Variants in PLEKHS1 observed in about 807,000 individuals in gnomAD.
PLEKHS1 encodes the protein pleckstrin homology domain containing S1, also known as pleckstrin homology domain-containing family S member 1.
PLEKHS1 carries 55 observed loss-of-function variants against 51.0 expected under a neutral mutation model. That is an observed-to-expected ratio of 1.08 (90% CI 0.87 to 1.35). The LOEUF is 1.35. Among genes scored for constraint, PLEKHS1 ranks in the 40% most tolerant of loss-of-function variants. PLEKHS1 has a pLI of 0.00. For missense variants in PLEKHS1, 398 were observed against 423.0 expected (o/e 0.94, Z 0.52); for synonymous variants, 153 against 144.8 (o/e 1.06, Z -0.41).
exon 12 of PLEKHS1, chr10:113,781,587 AAACACCTCCTTCCCAACACCTCCTTCCCC>A (rs1844872375): frequency 1.0e-4 from 6 of 59,852 alleles, no homozygotes; most frequent in African/African-American, 3.9e-4. Flanking sequence ...CCTCCTTCCC[AAACACCTCCTTCCCAACACCTCCTTCCCC>A]AACACCTCCT....
exon 12 of PLEKHS1, chr10:113,780,981 C>G: frequency 1.7e-6 from 1 of 584,122 alleles, no homozygotes; most frequent in Non-Finnish European, 3.0e-6. Flanking sequence ...GATTGGAGAA[C>G]CTGGGGGAAT....
At chr10:113,765,324 G>A (rs1844111715) in intron 2 of PLEKHS1, 2 of 778,096 alleles carry the variant, frequency 2.6e-6, no homozygotes, top group Non-Finnish European at 4.8e-6. Context: ...CTCACACTGA[G>A]GCAAGACATT....
downstream of PLEKHS1, chr10:113,783,339 C>T (rs769458174): frequency 3.9e-5 from 6 of 151,948 alleles, no homozygotes; most frequent in Non-Finnish European, 8.8e-5. Flanking sequence ...TAAAATTGTT[C>T]GTGATACATT....
chr10:113,757,538 G>C (rs981420246), intron 2 of PLEKHS1, among the ~76,000 whole-genome samples: 1 of 152,178 alleles, frequency 6.6e-6, no homozygotes, highest in Non-Finnish European at 1.5e-5. Flanking sequence ...ACAATTATCT[G>C]AGCCTTCAGT....
chr10:113,777,155 G>A (rs1266163161), intron 11 of PLEKHS1: 5 of 1,612,762 alleles, frequency 3.1e-6, no homozygotes, highest in Non-Finnish European at 4.2e-6. Flanking sequence ...CCCACGTTTG[G>A]GATGCATATT....
intron 5 of PLEKHS1, among the ~76,000 whole-genome samples, chr10:113,768,093 A>G (rs972849927): frequency 6.6e-6 from 1 of 152,184 alleles, no homozygotes; most frequent in African/African-American, 2.4e-5. Context: ...TCAACCGATA[A>G]CAGTCACCAT....
Position 113,755,243 on chromosome 10 carries a change from C to A in PLEKHS1, c.-19-16C>A. On this transcript the variant is annotated splice_polypyrimidine_tract_variant and intron_variant, in intron 1 of 11. Coordinates refer to ENST00000361048, the Ensembl canonical transcript of PLEKHS1. ...AGTGTTGTTTGGGGACTAACACTAACCCTTCCTTTTGACAGGGGAGGACAC... is the reference window on the plus strand; with the variant it reads ...AGTGTTGTTTGGGGACTAACACTAAACCTTCCTTTTGACAGGGGAGGACAC... 1 of 1,602,750 alleles carries A rather than the reference C, an allele frequency of 6.2e-7. No individual in the cohort carries two copies. The highest frequency in any genetic ancestry group is 8.5e-7 in the Non-Finnish European group (1 of 1,175,372).
At chr10:113,781,177 A>T (rs892497751) in exon 12 of PLEKHS1, 2 of 188,462 alleles carry the variant, frequency 1.1e-5, no homozygotes, top group Non-Finnish European at 2.2e-5. Context: ...GTGATAGCTG[A>T]TCAGGCTTCC....
intron 11 of PLEKHS1, 60 bp from the exon 12 acceptor site, chr10:113,777,064 C>T: frequency 1.3e-6 from 2 of 1,593,136 alleles, no homozygotes; most frequent in Non-Finnish European, 1.7e-6. Flanking sequence ...ACCCTGCGTG[C>T]CCTGCCCTCC....
At chr10:113,761,209 G>A (rs4918867) in intron 2 of PLEKHS1, among the ~76,000 whole-genome samples, 28,019 of 152,054 alleles carry the variant, frequency 0.18, 2,710 homozygotes, top group East Asian at 0.29. Flanking sequence ...TTTTGAAATT[G>A]GGAAGTGTGT....
intron 2 of PLEKHS1, 135 bp downstream of exon 2, chr10:113,755,440 C>G (rs1261027859): frequency 1.4e-6 from 2 of 1,412,470 alleles, no homozygotes; most frequent in Admixed American, 2.8e-5. Context: ...TTGAGACAGT[C>G]TTGCTCTGTT....
At chr10:113,772,168 T>A (rs1844443050) in intron 8 of PLEKHS1, 79 bp downstream of exon 8, 1 of 1,492,424 alleles carries the variant, frequency 6.7e-7, no homozygotes, top group African/African-American at 1.4e-5. Context: ...TTTCGTGCAA[T>A]ATTAGGCTAT....
intron 2 of PLEKHS1, among the ~76,000 whole-genome samples, chr10:113,758,563 T>C (rs1564816530): frequency 1.3e-5 from 2 of 152,202 alleles, no homozygotes; most frequent in Non-Finnish European, 2.9e-5. Flanking sequence ...AGATTTAGTA[T>C]AATTCTTAAG....
intron 11 of PLEKHS1, among the ~76,000 whole-genome samples, chr10:113,778,682 C>T (rs1190415477): frequency 8.0e-6 from 1 of 125,568 alleles, no homozygotes; most frequent in Non-Finnish European, 1.6e-5. Flanking sequence ...CTCGCTCTTT[C>T]GCCCAGGCTG....
Position 113,780,844 on chromosome 10 carries a change from G to C in PLEKHS1, c.*242G>C. 2.1e-6 allele frequency: 3 copies of C among 1,438,130 alleles called. No homozygotes were observed. In the South Asian group the frequency reaches 3.9e-5, roughly 19 times the overall value. The allele number at this position is 1,438,130 out of a possible 1,614,324, so 89.1% of individuals were successfully genotyped here. A position where few individuals can be genotyped will look rare whatever the true frequency, so the allele number is the denominator to read the frequency against. On this transcript the variant is annotated 3_prime_UTR_variant, in exon 12 of 12. Coordinates refer to ENST00000361048, the Ensembl canonical transcript of PLEKHS1. ...CTGGGACTGTCCAGCTCTGCCCCCT[G>C]CTGCTGCCATGTGATAGGAGACAGT...
chr10:113,777,678 C>T (rs1334413397), intron 11 of PLEKHS1: 3 of 1,526,982 alleles, frequency 2.0e-6, no homozygotes, highest in East Asian at 2.5e-5. Context: ...GTGACTGGCA[C>T]ATATTAGGTG....
At chr10:113,752,250 G>A (rs1446873520) in intron 1 of PLEKHS1, among the ~76,000 whole-genome samples, 2 of 152,194 alleles carry the variant, frequency 1.3e-5, no homozygotes, top group African/African-American at 2.4e-5. Flanking sequence ...TTCCTCGTCT[G>A]TAAATGGGCA....
intron 11 of PLEKHS1, 132 bp from the exon 13 acceptor site, chr10:113,780,469 GC>G: frequency 1.2e-6 from 1 of 811,078 alleles, no homozygotes; most frequent in South Asian, 1.7e-5. Context: ...TCTATTTCTG[GC>G]CCAGATATTA....
intron 2 of PLEKHS1, among the ~76,000 whole-genome samples, chr10:113,756,375 C>T (rs187435497): frequency 4.4e-4 from 67 of 152,174 alleles, no homozygotes; most frequent in Admixed American, 7.9e-4. Context: ...GCAGGAGAAC[C>T]GCTTGAACCT....
Sources: allele counts gnomAD v4.1 joint callset (sites outside exome capture counted in the v4.1 genomes callset), GRCh38; gene constraint gnomAD v4.1.1; transcripts MANE v1.5; gene names NCBI Gene and HGNC (gene_info 2026-07-23, HGNC 2026-07-21).